NUMB: variants seen among roughly 807,000 people sequenced by gnomAD.
NUMB encodes the protein NUMB endocytic adaptor protein, also known as protein numb homolog.
A neutral mutation model predicts 59.7 loss-of-function variants in NUMB; 29 were observed. That is an observed-to-expected ratio of 0.49 (90% CI 0.36 to 0.66). NUMB has a LOEUF of 0.66. NUMB is among the 30% of genes least tolerant of loss of function. The pLI is 0.00. For missense variants in NUMB, 723 were observed against 822.0 expected, an observed-to-expected ratio of 0.88 and a Z score of 1.47; for synonymous variants, 288 against 288.2, an observed-to-expected ratio of 1.00 and a Z score of 0.01.
intron 1 of NUMB, among the ~76,000 whole-genome samples, chr14:73,429,138 G>A (rs1448518201): frequency 9.2e-5 from 14 of 152,136 alleles, no homozygotes; most frequent in Admixed American, 8.5e-4. Flanking sequence ...TTGGGAGGCC[G>A]AGGCGGGCGG....
At chr14:73,317,078 G>T (rs8023191) in intron 5 of NUMB, among the ~76,000 whole-genome samples, 121,756 of 152,162 alleles carry the variant, frequency 0.8, 49,262 homozygotes, top group African/African-American at 0.92. Context: ...TATATGTACA[G>T]GTGTGCTGAT....
rs550521806 is a variant in NUMB, at chr14:73,317,668, T to C, written c.202-1246A>G. ...TTATAAGGAAACAATTCTGAAACTA[T>C]CTGGATAACAGAGGCATAACTATCT... On this transcript the variant is annotated intron_variant, in intron 5 of 12. Transcript: ENST00000555238. 2.6e-4 allele frequency among the ~76,000 whole-genome samples: 40 copies of C among 152,298 alleles called. No homozygotes were observed. In the South Asian group the frequency reaches 8.1e-3, roughly 31 times the overall value.
intron 2 of NUMB, among the ~76,000 whole-genome samples, chr14:73,402,504 G>A (rs1042688478): frequency 1.4e-4 from 21 of 152,114 alleles, no homozygotes; most frequent in African/African-American, 5.1e-4. Flanking sequence ...CAACTATGTA[G>A]TGTAACTAGG....
intron 3 of NUMB, among the ~76,000 whole-genome samples, chr14:73,363,291 CAAAAAG>C (rs913266006): frequency 4.7e-5 from 7 of 149,510 alleles, no homozygotes; most frequent in Non-Finnish European, 8.9e-5. Context: ...GACCTTGTCT[CAAAAAG>C]AAAAAGAAGA....
At chr14:73,345,524 T>G (rs547270664) in intron 4 of NUMB, among the ~76,000 whole-genome samples, 1 of 152,208 alleles carries the variant, frequency 6.6e-6, no homozygotes, top group Non-Finnish European at 1.5e-5. Context: ...CTCGAAATTT[T>G]TGGTCTCAGG....
At position 73,276,620 on chromosome 14, in the gene NUMB, A is replaced by G; in HGVS notation, c.1914T>C (p.Pro638=). Residue 638 remains proline (P), a synonymous_variant, in exon 13 of 13, where the codon CCT becomes CCC. Coordinates refer to ENST00000555238, the MANE Select transcript of NUMB (RefSeq NM_001005743.2). The stretch of plus-strand genomic sequence containing the variant: ...ACGTCTTCTGTAAGTCACTGGAGAA[A>G]GGGTTGGTAGGGGAGGGATTAGTAC... ...KQRTNPSPTN[P]FSSDLQKTFE... is the part of the protein sequence containing the mutation. 1.2e-6 allele frequency: 2 copies of G among 1,613,960 alleles called. No homozygotes were observed. The highest frequency in any genetic ancestry group is 1.7e-6 in the Non-Finnish European group (2 of 1,179,860).
intron 2 of NUMB, among the ~76,000 whole-genome samples, chr14:73,402,290 T>G (rs954544772): frequency 6.6e-6 from 1 of 152,184 alleles, no homozygotes; most frequent in Non-Finnish European, 1.5e-5. Context: ...CAAATACATT[T>G]CTAGAGTAAA....
intron 3 of NUMB, among the ~76,000 whole-genome samples, chr14:73,360,958 C>G (rs980249624): frequency 3.3e-5 from 5 of 152,048 alleles, no homozygotes; most frequent in Admixed American, 2.0e-4. Flanking sequence ...AGCATAATCT[C>G]ACTCACTGCA....
At chr14:73,325,405 G>A (rs1184983346) in intron 4 of NUMB, among the ~76,000 whole-genome samples, 1 of 152,038 alleles carries the variant, frequency 6.6e-6, no homozygotes, top group African/African-American at 2.4e-5. Context: ...AGTGAGCTAT[G>A]ATCACACCAC....
At chr14:73,278,686 C>G (rs886956360) in intron 12 of NUMB, among the ~76,000 whole-genome samples, 4 of 149,846 alleles carry the variant, frequency 2.7e-5, no homozygotes, top group Non-Finnish European at 4.4e-5. Context: ...ATCACCAAAT[C>G]CGGTGATGGA....
chr14:73,379,528 G>A (rs931053812), intron 2 of NUMB, among the ~76,000 whole-genome samples: 10 of 152,210 alleles, frequency 6.6e-5, no homozygotes, highest in Non-Finnish European at 1.3e-4. Flanking sequence ...AGTAGGATTG[G>A]AGAAAAGAAA....
chr14:73,380,285 G>A (rs746771383), intron 2 of NUMB, among the ~76,000 whole-genome samples: 2 of 152,206 alleles, frequency 1.3e-5, no homozygotes, highest in Non-Finnish European at 2.9e-5. Context: ...AATACAGAGT[G>A]AGAGTGAAAG....
chr14:73,414,873 C>T (rs1897059875), intron 1 of NUMB, among the ~76,000 whole-genome samples: 1 of 152,160 alleles, frequency 6.6e-6, no homozygotes, highest in Non-Finnish European at 1.5e-5. Flanking sequence ...GCGCCCACCA[C>T]CACGCCCAGC....
chr14:73,352,264 C>T (rs555324318), intron 4 of NUMB, among the ~76,000 whole-genome samples: 374 of 151,182 alleles, frequency 2.5e-3, no homozygotes, highest in Non-Finnish European at 4.3e-3. Flanking sequence ...TTCACCTTTT[C>T]ATGTAATTCA....
intron 1 of NUMB, among the ~76,000 whole-genome samples, chr14:73,456,966 T>C (rs1884417885): frequency 6.6e-6 from 1 of 152,166 alleles, no homozygotes; most frequent in Non-Finnish European, 1.5e-5. Context: ...AGTCAGGTCT[T>C]TATCGTCTAT....
At position 73,453,065 on chromosome 14, in the gene NUMB, C is replaced by T. The variant is rs185761848; in HGVS notation, c.-233+5428G>A. ...AGCACGTCAGTATTCTCCTTATTCT[C>T]CCTTCATTTCAATCCTCCTTTTGCC... On this transcript the variant is annotated intron_variant, in intron 1 of 12. Transcript: ENST00000555238. 3.0e-3 allele frequency among the ~76,000 whole-genome samples: 463 copies of T among 152,150 alleles called. 5 individuals carry two copies. Among genetic ancestry groups the T allele is most frequent in the African/African-American group, 0.011 (442 of 41,522 alleles).
intron 4 of NUMB, among the ~76,000 whole-genome samples, chr14:73,353,496 G>A (rs979254028): frequency 2.7e-5 from 4 of 150,872 alleles, no homozygotes; most frequent in African/African-American, 7.3e-5. Context: ...ATCTATAAAC[G>A]TACTTAAATG....
chr14:73,383,425 T>C (rs1895347529), intron 2 of NUMB, among the ~76,000 whole-genome samples: 1 of 151,954 alleles, frequency 6.6e-6, no homozygotes, highest in African/African-American at 2.4e-5. Flanking sequence ...AGAAAATATC[T>C]AGATGGAGCA....
intron 4 of NUMB, among the ~76,000 whole-genome samples, chr14:73,330,542 A>G (rs1305331111): frequency 6.6e-6 from 1 of 152,168 alleles, no homozygotes; most frequent in Non-Finnish European, 1.5e-5. Flanking sequence ...TTGTCTGTGT[A>G]TTACTTGTCT....
Sources: gnomAD v4.1 joint callset for allele counts (sites outside exome capture counted in the v4.1 genomes callset) on GRCh38, gnomAD v4.1.1 for gene constraint, MANE v1.5 for transcripts, NCBI Gene and HGNC (gene_info 2026-07-23, HGNC 2026-07-21) for gene names.